The following PAX2 variants were observed in gnomAD, a reference collection of about 807,000 sequenced individuals.
PAX2 encodes the protein paired box 2, also known as paired box protein Pax-2.
Under a neutral mutation model 41.7 loss-of-function variants are expected in PAX2, and 9 were observed. The observed-to-expected ratio is 0.22, with a 90% CI of 0.13 to 0.38. PAX2 has a LOEUF of 0.38. Ranked by LOEUF, PAX2 falls within the 10% of genes least tolerant of loss-of-function variation. The pLI, the probability that PAX2 is intolerant of heterozygous loss-of-function variation, is 1.00. For missense variants in PAX2, 418 were observed against 531.6 expected, an observed-to-expected ratio of 0.79 and a Z score of 2.10; for synonymous variants, 221 against 212.7, an observed-to-expected ratio of 1.04 and a Z score of -0.34.
rs987819799 is a variant in PAX2, at chr10:100,827,934, C to T, written c.*315C>T. On this transcript the variant is annotated 3_prime_UTR_variant, in exon 10 of 10. Transcript: ENST00000355243. The surrounding 1 kb of genome is among the most constrained non-coding windows in gnomAD (Gnocchi z 8.5). ...TCGGCCCAGCTCGTCCCGGCCTCCA[C>T]CAAGCCAGCCCCGAAGCCCGCCAGC... The T allele has an allele frequency of 8.5e-6, 3 of 351,512 alleles. No homozygotes were observed. Among genetic ancestry groups the T allele is most frequent in the Non-Finnish European group, 1.5e-5 (3 of 196,482 alleles). 21.8% of individuals were successfully genotyped at this position (351,512 alleles called of 1,614,324 possible).
intron 5 of PAX2, among the ~76,000 whole-genome samples, chr10:100,790,247 C>T (rs1847053269): frequency 6.6e-6 from 1 of 152,110 alleles, no homozygotes; most frequent in African/African-American, 2.4e-5. Context: ...CAGAATTGCC[C>T]TAGAGGAGAC....
intron 7 of PAX2, among the ~76,000 whole-genome samples, chr10:100,812,303 G>T (rs903989946): frequency 2.0e-5 from 3 of 152,186 alleles, no homozygotes; most frequent in African/African-American, 4.8e-5. Flanking sequence ...TTTCCCTTCC[G>T]CCGCTGGGCT....
At chr10:100,739,233 C>T (rs898035192) in intron 1 of PAX2, among the ~76,000 whole-genome samples, 3 of 152,196 alleles carry the variant, frequency 2.0e-5, no homozygotes, top group Non-Finnish European at 4.4e-5. Flanking sequence ...CTTGTTTCAG[C>T]CAGCCGCTCT....
At chr10:100,739,950 C>G (rs572732997) in intron 1 of PAX2, among the ~76,000 whole-genome samples, 2 of 152,360 alleles carry the variant, frequency 1.3e-5, no homozygotes, top group East Asian at 3.9e-4. Context: ...ACAAACCAGC[C>G]TCTTCAGGCC....
chr10:100,827,230 C>T lies in PAX2; in HGVS notation c.1108+135C>T. ...AGGCTTGTTAGTGCAGCACTGAGGC[C>T]CGGGGACCCCTCGAGGACGCCCGCA... On this transcript the variant is annotated intron_variant, in intron 9 of 9. Coordinates refer to ENST00000355243, the MANE Select transcript of PAX2 (RefSeq NM_000278.5). The surrounding 1 kb of genome is among the most constrained non-coding windows in gnomAD (Gnocchi z 8.5). The T allele has an allele frequency of 1.3e-6, 1 of 761,218 alleles. No individual in the cohort carries two copies. Among genetic ancestry groups the T allele is most frequent in the Admixed American group, 2.0e-5 (1 of 48,956 alleles). The allele number at this position is 761,218 out of a possible 1,614,324, so 47.2% of individuals were successfully genotyped here.
chr10:100,753,152 G>A (rs1035061483), intron 3 of PAX2, among the ~76,000 whole-genome samples: 3 of 152,200 alleles, frequency 2.0e-5, no homozygotes, highest in South Asian at 2.1e-4. Flanking sequence ...CCAACAACAC[G>A]GGCAGCCTAC....
chr10:100,739,320 C>G (rs1264044904), intron 1 of PAX2, among the ~76,000 whole-genome samples: 2 of 152,242 alleles, frequency 1.3e-5, no homozygotes, highest in Admixed American at 1.3e-4. Flanking sequence ...CCTCGGCGGC[C>G]CTGCCCTTTG....
chr10:100,806,660 C>A, intron 6 of PAX2, 55 bp downstream of exon 6: 1 of 1,509,398 alleles, frequency 6.6e-7, no homozygotes, highest in South Asian at 1.1e-5. Context: ...AGAGCAAGGC[C>A]TCTCAAAAAC....
Position 100,792,462 on chromosome 10 carries a change from A to G in PAX2, c.616+11097A>G, listed in dbSNP as rs1847161650. Among the ~76,000 whole-genome samples the G allele has an allele frequency of 2.6e-5, 4 of 152,364 alleles. No homozygotes were observed. In the South Asian group the frequency reaches 6.2e-4, roughly 24 times the overall value. Reference sequence around the variant, plus strand: ...CGACATACCTCAGCTGGGGACAGACAGTGAGAAGTCTATCTCCCTTCTCTT... The same window carrying G: ...CGACATACCTCAGCTGGGGACAGACGGTGAGAAGTCTATCTCCCTTCTCTT... On this transcript the variant is annotated intron_variant, in intron 5 of 9. Coordinates refer to ENST00000355243, the MANE Select transcript of PAX2 (RefSeq NM_000278.5).
In PAX2 at chr10:100,809,138, C is replaced by A. The variant is rs1411259285; in HGVS notation, c.821C>A (p.Thr274Asn). Residue 274 changes from threonine (T) to asparagine (N), a missense_variant, in exon 7 of 10, where the codon ACC (threonine) becomes AAC (asparagine). Thr to Asn is a moderately conservative substitution (Grantham distance 65, BLOSUM62 0). Coordinates refer to ENST00000355243, the MANE Select transcript of PAX2 (RefSeq NM_000278.5). ...AACGAGTACTCCCTCCCAGCCCTGA[C>A]CCCTGGGCTTGATGAAGTCAAGTCG... is the stretch of plus-strand genomic sequence containing the variant. ...QGNEYSLPAL[T>N]PGLDEVKSSL... 3.7e-6 allele frequency: 6 copies of A among 1,612,044 alleles called. No individual in the cohort carries two copies. The highest frequency in any genetic ancestry group is 3.3e-5 in the Admixed American group (2 of 60,018).
chr10:100,770,073 A>C (rs962589861), intron 3 of PAX2, among the ~76,000 whole-genome samples: 1 of 152,198 alleles, frequency 6.6e-6, no homozygotes, highest in Admixed American at 6.5e-5. Flanking sequence ...AGACAGAGAA[A>C]GACTGACGGA....
Position 100,828,274 on chromosome 10 carries a change from G to A in PAX2, c.*655G>A, listed in dbSNP as rs1238718314. The A allele has an allele frequency of 2.1e-5, 5 of 232,700 alleles. No individual in the cohort carries two copies. In the East Asian group the frequency reaches 3.0e-4, roughly 14 times the overall value. The allele number at this position is 232,700 out of a possible 1,614,324, so 14.4% of individuals were successfully genotyped here. A position where few individuals can be genotyped will look rare whatever the true frequency, so the allele number is the denominator to read the frequency against. On this transcript the variant is annotated 3_prime_UTR_variant, in exon 10 of 10. Coordinates refer to ENST00000355243, the MANE Select transcript of PAX2 (RefSeq NM_000278.5). The surrounding 1 kb of genome is among the most constrained non-coding windows in gnomAD (Gnocchi z 6.5). ...GGGTCCGGCTCTAGGAACGGGCTTT[G>A]GGGGCGTCAGGTCTTTCCAAGGTTG...
At chr10:100,763,313 G>A (rs1044482063) in intron 3 of PAX2, among the ~76,000 whole-genome samples, 1 of 152,180 alleles carries the variant, frequency 6.6e-6, no homozygotes, top group Non-Finnish European at 1.5e-5. Context: ...AAGATCTGGC[G>A]ATTTAGAAAT....
At chr10:100,780,942 A>C (rs921839912) in intron 4 of PAX2, among the ~76,000 whole-genome samples, 21 of 152,184 alleles carry the variant, frequency 1.4e-4, no homozygotes, top group African/African-American at 4.8e-4. Context: ...CCTGTACTCC[A>C]TCCGTCTTTA....
chr10:100,757,886 C>T (rs954877683), intron 3 of PAX2, among the ~76,000 whole-genome samples: 2 of 152,074 alleles, frequency 1.3e-5, no homozygotes, highest in African/African-American at 2.4e-5. Context: ...AATGGTCTGG[C>T]GCTGTAGGAG....
intron 7 of PAX2, among the ~76,000 whole-genome samples, chr10:100,821,337 C>T (rs1848374597): frequency 6.6e-6 from 1 of 152,214 alleles, no homozygotes; most frequent in Admixed American, 6.5e-5. Context: ...GGGTCCTGAA[C>T]AGGGTACTCC....
intron 3 of PAX2, among the ~76,000 whole-genome samples, chr10:100,778,099 C>T (rs1386776690): frequency 3.9e-5 from 6 of 152,148 alleles, no homozygotes; most frequent in Non-Finnish European, 7.4e-5. Flanking sequence ...AGTCCAACCC[C>T]TTCATTTAAA....
Position 100,745,729 on chromosome 10 carries a change from G to T in PAX2, c.-532G>T. 1 of 1,023,446 alleles carries T rather than the reference G, an allele frequency of 9.8e-7. No individual in the cohort carries two copies. The highest frequency in any genetic ancestry group is 1.2e-6 in the Non-Finnish European group (1 of 852,336). 63.4% of individuals were successfully genotyped at this position (1,023,446 alleles called of 1,614,324 possible). A position where few individuals can be genotyped will look rare whatever the true frequency, so the allele number is the denominator to read the frequency against. ...CCGGGGGCGGGGGCCTGGCCCGCGC[G>T]CTCCCCTCCCGCAGGCGCCACCTCG... is the stretch of plus-strand genomic sequence containing the variant. On this transcript the variant is annotated 5_prime_UTR_variant, in exon 1 of 10. Coordinates refer to ENST00000355243, the MANE Select transcript of PAX2 (RefSeq NM_000278.5).
chr10:100,787,354 C>T (rs1232152281), intron 5 of PAX2, among the ~76,000 whole-genome samples: 1 of 152,174 alleles, frequency 6.6e-6, no homozygotes, highest in Non-Finnish European at 1.5e-5. Flanking sequence ...AGCCCTAATT[C>T]ATCACAGCCC....
Sources: gnomAD v4.1 joint callset for allele counts (sites outside exome capture counted in the v4.1 genomes callset) on GRCh38, gnomAD v4.1.1 for gene constraint, Gnocchi (gnomAD v3.1) non-coding constraint, MANE v1.5 for transcripts, NCBI Gene and HGNC (gene_info 2026-07-23, HGNC 2026-07-21) for gene names.